Variants in RNH1 observed in about 807,000 individuals in gnomAD.
RNH1 encodes ribonuclease inhibitor.
In RNH1, 38 loss-of-function variants were observed where a neutral mutation model predicts 46.1. That is an observed-to-expected ratio of 0.82 (90% CI 0.64 to 1.08). RNH1 has a LOEUF of 1.08. Ranked by LOEUF, RNH1 falls within the 50% of genes least tolerant of loss-of-function variation. RNH1 has a pLI of 0.00. For missense variants in RNH1, 577 were observed against 590.7 expected (o/e 0.98, Z 0.24); for synonymous variants, 319 against 279.1 (o/e 1.14, Z -1.43).
rs200109318 is a variant in RNH1 at position 494,685 on chromosome 11, A to G, written c.*6T>C. On this transcript the variant is annotated 3_prime_UTR_variant, in exon 11 of 11. Coordinates refer to ENST00000354420, the MANE Select transcript of RNH1 (RefSeq NM_203387.3). ...TCGTCCAGGGAGAGCAGCAGCAGGAAGAGCCTCAGGAGATGACCCTCAGGG... is the reference window on the plus strand; with the variant it reads ...TCGTCCAGGGAGAGCAGCAGCAGGAGGAGCCTCAGGAGATGACCCTCAGGG... 556 of 1,613,222 alleles carry G rather than the reference A, an allele frequency of 3.4e-4. 2 individuals are homozygous for G. The African/African-American group carries it at 6.9e-3, about 20-fold the overall frequency.
rs543064857 is a variant in RNH1, at chr11:501,173, G to A, written c.102-519C>T. The A allele has an allele frequency of 2.0e-5, 5 of 245,698 alleles. No individual in the cohort carries two copies. The highest frequency in any genetic ancestry group is 1.1e-4 in the East Asian group (1 of 9,462). 15.2% of individuals were successfully genotyped at this position (245,698 alleles called of 1,614,324 possible). The stretch of plus-strand genomic sequence containing the variant: ...TCTCGAAGGCACTGATCAGTCACAG[G>A]AGGAAAGGCAGTGGCGTCACAGTGG... On this transcript the variant is annotated intron_variant, in intron 3 of 10. Transcript: ENST00000354420. This position sits in a 1 kb window ranked among gnomAD's most constrained non-coding sequence, Gnocchi z 4.1.
At position 498,859 on chromosome 11, in the gene RNH1, C is replaced by A; in HGVS notation, c.689G>T (p.Arg230Leu). The change falls in exon 7 of 11, where the codon CGG (arginine) becomes CTG (leucine). Residue 230 changes from arginine (R) to leucine (L), a missense_variant. Transcript: ENST00000354420. ...CGIVASKASL[R>L]ELALGSNKLG... Reference sequence around the variant, plus strand: ...CTTGTTGCTGCCCAGGGCCAGCTCCCGCAGCGAGGCCTTGGAGGCCACAAT... The same window carrying A: ...CTTGTTGCTGCCCAGGGCCAGCTCCAGCAGCGAGGCCTTGGAGGCCACAAT... The A allele has an allele frequency of 6.2e-7, 1 of 1,611,848 alleles. No individual in the cohort carries two copies.
Position 494,640 on chromosome 11 carries a change from C to A in RNH1, c.*51G>T, listed in dbSNP as rs1848871465. On this transcript the variant is annotated 3_prime_UTR_variant, in exon 11 of 11. Coordinates refer to ENST00000354420, the MANE Select transcript of RNH1 (RefSeq NM_203387.3). ...GAGCATGGCAGGGGCTGGTGGGCCCCAGGGTTGCCTCGAGGCCGGTCGTCC... is the reference window on the plus strand; with the variant it reads ...GAGCATGGCAGGGGCTGGTGGGCCCAAGGGTTGCCTCGAGGCCGGTCGTCC... 1 of 1,558,562 alleles carries A rather than the reference C, an allele frequency of 6.4e-7. No individual in the cohort carries two copies. Among genetic ancestry groups the A allele is most frequent in the African/African-American group, 1.4e-5 (1 of 73,722 alleles).
At chr11:506,949 C>CCCCGGACCCCTGCCCCG (rs1850326795) in intron 1 of RNH1, 164 bp downstream of exon 1, 1 of 152,264 alleles carries the variant, frequency 6.6e-6, no homozygotes, top group African/African-American at 2.4e-5. Flanking sequence ...GCCTCGATAG[C>CCCCGGACCCCTGCCCCG]CCCGGACCCC....
At chr11:505,031 T>G (rs1286534609) in intron 1 of RNH1, 35 bp from the exon 2 acceptor site, 5 of 152,150 alleles carry the variant, frequency 3.3e-5, no homozygotes, top group South Asian at 2.1e-4. Flanking sequence ...ATCTTTTTTT[T>G]TTTGTTTGGT....
At chr11:504,343 TG>T (rs1441854639) in intron 2 of RNH1, 23 of 151,714 alleles carry the variant, frequency 1.5e-4, no homozygotes, top group Admixed American at 1.5e-3. Context: ...ACTAAAGGGC[TG>T]GGAGGAAACC....
chr11:501,714 G>A lies in RNH1; in HGVS notation c.101+348C>T. 1 of 273,432 alleles carries A rather than the reference G, an allele frequency of 3.7e-6. No homozygotes were observed. The allele number at this position is 273,432 out of a possible 1,614,324, so 16.9% of individuals were successfully genotyped here. A position where few individuals can be genotyped will look rare whatever the true frequency, so the allele number is the denominator to read the frequency against. Reference sequence around the variant, plus strand: ...CCAGCCCCCAGCTTGGCAGGGACAAGCAGCGCCCCATGGAGGCTCACGGAG... The same window carrying A: ...CCAGCCCCCAGCTTGGCAGGGACAAACAGCGCCCCATGGAGGCTCACGGAG... On this transcript the variant is annotated intron_variant, in intron 3 of 10. Transcript: ENST00000354420. The surrounding 1 kb of genome is among the most constrained non-coding windows in gnomAD (Gnocchi z 4.1).
chr11:499,847 C>T lies in RNH1; in HGVS notation c.425G>A (p.Cys142Tyr), dbSNP rs1849578141. The T allele has an allele frequency of 6.2e-7, 1 of 1,609,690 alleles. No individual in the cohort carries two copies. The highest frequency in any genetic ancestry group is 8.5e-7 in the Non-Finnish European group (1 of 1,177,890). Residue 142 changes from cysteine to tyrosine, a missense_variant, in exon 5 of 11, where the codon TGC becomes TAC. Cys to Tyr is a radical substitution (Grantham distance 194, BLOSUM62 -2). Transcript: ENST00000354420. ...AACTCACTGCAGCTTTTCCAGGCGG[C>T]ACTGGGGGTCCAGGAGTCCTTCGCA... ...LLCEGLLDPQ[C>Y]RLEKLQLEYC...
At chr11:494,810 C>T (rs751631730) in intron 10 of RNH1, 32 bp from the exon 11 acceptor site, 12 of 1,612,876 alleles carry the variant, frequency 7.4e-6, no homozygotes, top group East Asian at 2.2e-5. Flanking sequence ...GGCATGGGCC[C>T]GTGTCCTCCC....
chr11:498,749 C>T lies in RNH1; in HGVS notation c.785+14G>A, dbSNP rs367816738. 5.0e-6 allele frequency: 8 copies of T among 1,592,238 alleles called. No individual in the cohort carries two copies. Among genetic ancestry groups the T allele is most frequent in the Admixed American group, 1.7e-5 (1 of 59,346 alleles). On this transcript the variant is annotated intron_variant, in intron 7 of 10. Transcript: ENST00000354420. The stretch of plus-strand genomic sequence containing the variant: ...CCGACCCTCCGGGAAGGAGGCCTCG[C>T]GGAGATGACTCACCACAGGGTCCTG...
intron 9 of RNH1, among the ~76,000 whole-genome samples, chr11:497,293 A>C (rs1470148823): frequency 0.012 from 1,689 of 137,500 alleles, 3 homozygotes; most frequent in African/African-American, 0.047. Context: ...ACTCGTGCTC[A>C]TTCTTGCCCA....
chr11:497,104 C>T (rs561988839), intron 9 of RNH1, among the ~76,000 whole-genome samples: 15 of 136,756 alleles, frequency 1.1e-4, no homozygotes, highest in Non-Finnish European at 2.0e-4. Flanking sequence ...CCATGTGCCA[C>T]ACTCACGTGC....
At chr11:495,374 C>G (rs1234051357) in intron 9 of RNH1, among the ~76,000 whole-genome samples, 1 of 152,160 alleles carries the variant, frequency 6.6e-6, no homozygotes. Context: ...CGTCTGGCTG[C>G]GTGGGCTTCA....
chr11:494,883 A>G lies in RNH1; in HGVS notation c.1298T>C (p.Val433Ala). Residue 433 changes from valine to alanine, a missense_variant and splice_region_variant, in exon 10 of 11, where the codon GTC becomes GCC. Val to Ala is a moderately conservative substitution (Grantham distance 64, BLOSUM62 0). Coordinates refer to ENST00000354420, the MANE Select transcript of RNH1 (RefSeq NM_203387.3). ...CCACCCGCCCAGCGCGTGCACATAC[A>G]CCAGCTGCTCCAGGAGGCAGCCCGG... ...RQPGCLLEQL[V>A]LYDIYWSEEM... is the part of the protein sequence containing the mutation. 6.2e-7 allele frequency: 1 copy of G among 1,611,590 alleles called. No individual in the cohort carries two copies. The highest frequency in any genetic ancestry group is 8.5e-7 in the Non-Finnish European group (1 of 1,179,352).
At chr11:505,874 C>CTTTT (rs35130438) in intron 1 of RNH1, 5 of 118,084 alleles carry the variant, frequency 4.2e-5, no homozygotes, top group South Asian at 2.6e-4. Flanking sequence ...CCTAATGTAA[C>CTTTT]TTTTTTTTTT....
Position 502,082 on chromosome 11 carries a change from G to A in RNH1, c.81C>T (p.Leu27=). ...CGTACCTGACCACTTGGCACTGCTG[G>A]AGCAGAGGGAGGAGCTCGGCCCATC... The part of the protein sequence containing the change: ...DARWAELLPL[L]QQCQVVRLDD... The change falls in exon 3 of 11, where the codon CTC becomes CTT. Residue 27 remains leucine (L), a synonymous_variant. Transcript: ENST00000354420. This position sits in a 1 kb window ranked among gnomAD's most constrained non-coding sequence, Gnocchi z 5.8. 6.2e-7 allele frequency: 1 copy of A among 1,611,834 alleles called. No individual in the cohort carries two copies. Among genetic ancestry groups the A allele is most frequent in the South Asian group, 1.1e-5 (1 of 90,726 alleles).
intron 1 of RNH1, chr11:505,874 C>CT (rs35130438): frequency 0.035 from 4,123 of 118,016 alleles, 93 homozygotes; most frequent in Non-Finnish European, 0.04. Context: ...CCTAATGTAA[C>CT]TTTTTTTTTT....
rs539056200 is a variant in RNH1 at position 500,224 on chromosome 11, G to T, written c.273-225C>A. The T allele has an allele frequency of 7.6e-5, 50 of 653,980 alleles. No homozygotes were observed. The South Asian group carries it at 8.1e-4, about 11-fold the overall frequency. The allele number at this position is 653,980 out of a possible 1,614,324, so 40.5% of individuals were successfully genotyped here. On this transcript the variant is annotated intron_variant, in intron 4 of 10. Coordinates refer to ENST00000354420, the MANE Select transcript of RNH1 (RefSeq NM_203387.3). ...TCTGCAGACACACCTTTCAGTGGGGGTCTGTGGTGATGCTGGAAGGCTAGG... is the reference window on the plus strand; with the variant it reads ...TCTGCAGACACACCTTTCAGTGGGGTTCTGTGGTGATGCTGGAAGGCTAGG...
chr11:500,453 A>G, intron 4 of RNH1, 31 bp downstream of exon 4: 1 of 1,587,608 alleles, frequency 6.3e-7, no homozygotes, highest in Admixed American at 1.7e-5. Context: ...AGACTGCACC[A>G]GGCCAGAGGC....
Sources: gnomAD v4.1 joint callset for allele counts (sites outside exome capture counted in the v4.1 genomes callset) on GRCh38, gnomAD v4.1.1 for gene constraint, Gnocchi (gnomAD v3.1) non-coding constraint, MANE v1.5 for transcripts, NCBI Gene and HGNC (gene_info 2026-07-23, HGNC 2026-07-21) for gene names.